The following ZNF674 variants were observed in gnomAD, a reference collection of about 807,000 sequenced individuals.
The protein encoded by ZNF674 is zinc finger protein 674, also known as zinc finger family member 674.
Under a neutral mutation model 7.0 loss-of-function variants are expected in ZNF674, and 2 were observed. The ratio of observed to expected loss-of-function variants is 0.29; its 90% confidence interval spans 0.12 to 0.90. The LOEUF is 0.90. Ranked by LOEUF, ZNF674 falls within the 40% of genes least tolerant of loss-of-function variation. The pLI is 0.57. For missense variants in ZNF674, 297 were observed against 415.5 expected, an observed-to-expected ratio of 0.71 and a Z score of 2.48; for synonymous variants, 103 against 145.2, an observed-to-expected ratio of 0.71 and a Z score of 2.09.
intron 5 of ZNF674, among the ~76,000 whole-genome samples, chrX:46,509,386 C>T (rs1435080021): frequency 2.7e-5 from 3 of 110,657 alleles, no homozygotes; most frequent in Admixed American, 9.7e-5. Context: ...CGCAACCTAC[C>T]CATCTGACAA....
At chrX:46,505,629 G>A (rs978161673) in intron 5 of ZNF674, among the ~76,000 whole-genome samples, 5 of 111,210 alleles carry the variant, frequency 4.5e-5, no homozygotes, top group African/African-American at 1.6e-4. Flanking sequence ...AAATTAGCAA[G>A]GCATGATGAC....
chrX:46,527,901 A>G (rs1225157831), intron 5 of ZNF674: 8 of 143,172 alleles, frequency 5.6e-5, no homozygotes, highest in African/African-American at 2.6e-4. Context: ...GTCTAAAAAA[A>G]AAAAAAAGAC....
intron 5 of ZNF674, among the ~76,000 whole-genome samples, chrX:46,506,707 G>A (rs920189855): frequency 9.8e-5 from 11 of 111,951 alleles, no homozygotes; most frequent in Non-Finnish European, 1.1e-4. Flanking sequence ...AACACTTGTA[G>A]ACATCCAAAA....
intron 3 of ZNF674, among the ~76,000 whole-genome samples, chrX:46,536,380 A>G (rs1333134333): frequency 9.0e-6 from 1 of 110,961 alleles, no homozygotes; most frequent in Non-Finnish European, 1.9e-5. Flanking sequence ...TCACGAGGTC[A>G]AGAGATCGAG....
At chrX:46,539,801 G>A (rs1171514859) in intron 3 of ZNF674, among the ~76,000 whole-genome samples, 1 of 112,028 alleles carries the variant, frequency 8.9e-6, no homozygotes, top group Admixed American at 9.5e-5. Flanking sequence ...CAATAGTGCC[G>A]CAGTAAGAAA....
intron 5 of ZNF674, among the ~76,000 whole-genome samples, chrX:46,507,607 A>G (rs1035900304): frequency 9.0e-6 from 1 of 111,447 alleles, no homozygotes; most frequent in African/African-American, 3.3e-5. Context: ...GAGGTTCTGG[A>G]ACAAATCCCT....
chrX:46,534,619 C>T (rs1942170267), intron 3 of ZNF674, among the ~76,000 whole-genome samples: 1 of 111,648 alleles, frequency 9.0e-6, no homozygotes, highest in Non-Finnish European at 1.9e-5. Context: ...TGTCAGCTTC[C>T]CAAATTGCTG....
At chrX:46,520,262 G>A (rs1569477015) in intron 5 of ZNF674, among the ~76,000 whole-genome samples, 1 of 110,829 alleles carries the variant, frequency 9.0e-6, no homozygotes, top group East Asian at 2.8e-4. Context: ...TTAGCCAGGT[G>A]GTGGCGGGTG....
At chrX:46,538,219 T>G (rs1942234449) in intron 3 of ZNF674, among the ~76,000 whole-genome samples, 1 of 111,735 alleles carries the variant, frequency 8.9e-6, no homozygotes, top group South Asian at 3.7e-4. Flanking sequence ...TATAGAAGAG[T>G]CTTTGTTTCC....
intron 5 of ZNF674, among the ~76,000 whole-genome samples, chrX:46,501,686 GTA>G (rs1463773928): frequency 9.2e-6 from 1 of 108,168 alleles, no homozygotes; most frequent in African/African-American, 3.4e-5. Flanking sequence ...GTGTGTGTGT[GTA>G]TACATATATG....
intron 5 of ZNF674, chrX:46,517,681 TA>T (rs1941793311): frequency 8.9e-6 from 1 of 111,828 alleles, no homozygotes; most frequent in Non-Finnish European, 1.9e-5. Context: ...TGGAACATCT[TA>T]AAAATACTAA....
At chrX:46,531,775 T>TA (rs1942112764) in intron 3 of ZNF674, among the ~76,000 whole-genome samples, 1 of 111,242 alleles carries the variant, frequency 9.0e-6, no homozygotes, top group African/African-American at 3.3e-5. Context: ...TGTCAGAGGT[T>TA]ACTTCATAAA....
chrX:46,509,058 A>G (rs1162805587), intron 5 of ZNF674, among the ~76,000 whole-genome samples: 1 of 109,751 alleles, frequency 9.1e-6, no homozygotes, highest in Non-Finnish European at 1.9e-5. Context: ...TATTTAATAA[A>G]TGGTGCTGGG....
intron 5 of ZNF674, among the ~76,000 whole-genome samples, chrX:46,512,079 C>T (rs1218954244): frequency 5.7e-5 from 6 of 104,993 alleles, no homozygotes; most frequent in East Asian, 3.1e-4. Context: ...GGGTTTTGGC[C>T]GGGCGCCACA....
intron 5 of ZNF674, among the ~76,000 whole-genome samples, chrX:46,519,255 TAGATAGATAAAGATAGATGATA>T (rs1941844347): frequency 4.1e-5 from 3 of 73,995 alleles, no homozygotes; most frequent in East Asian, 3.7e-4. Context: ...GATAGATAGA[TAGATAGATAAAGATAGATGATA>T]GATAGATAGA....
At chrX:46,529,007 G>A (rs2003665) in intron 3 of ZNF674, 98 bp from the exon 4 acceptor site, 377,620 of 1,194,320 alleles carry the variant, frequency 0.32, 41,635 homozygotes, top group Middle Eastern at 0.34. Flanking sequence ...TGCCCTTTGA[G>A]GTCCTTTACA....
At chrX:46,534,029 A>G (rs1471891598) in intron 3 of ZNF674, among the ~76,000 whole-genome samples, 2 of 107,211 alleles carry the variant, frequency 1.9e-5, no homozygotes, top group African/African-American at 6.8e-5. Flanking sequence ...ATTTACACTC[A>G]TGGCGGAAGG....
intron 5 of ZNF674, among the ~76,000 whole-genome samples, chrX:46,504,058 GTGCACACA>G (rs758354299): frequency 1.6e-4 from 18 of 110,547 alleles, no homozygotes; most frequent in African/African-American, 5.6e-4. Flanking sequence ...ATACACACAT[GTGCACACA>G]TGCACACATA....
In ZNF674 at chrX:46,501,121, A is replaced by G; in HGVS notation, c.453T>C (p.His151=). The change falls in exon 6 of 6, where the codon CAT becomes CAC. Residue 151 remains histidine, a synonymous_variant. Coordinates refer to ENST00000683375, the MANE Select transcript of ZNF674 (RefSeq NM_001190417.2). ...TTCTATTTTGACCAAGAAAGTTTAA[A>G]TGATGTTTTGAACACCTTTCCCATG... ...YYSWERCSKH[H]LNFLGQNRSY... The G allele has an allele frequency of 8.3e-7, 1 of 1,206,812 alleles. No individual in the cohort carries two copies. The highest frequency in any genetic ancestry group is 1.1e-6 in the Non-Finnish European group (1 of 892,586).
Sources: gnomAD v4.1 joint callset for allele counts (sites outside exome capture counted in the v4.1 genomes callset) on GRCh38, gnomAD v4.1.1 for gene constraint, MANE v1.5 for transcripts, NCBI Gene and HGNC (gene_info 2026-07-23, HGNC 2026-07-21) for gene names.